Variants in UGT1A7 observed in about 807,000 individuals in gnomAD.
UGT1A7 encodes the protein UDP-glucuronosyltransferase 1A7.
In UGT1A7, 33 loss-of-function variants were observed where a neutral mutation model predicts 45.6. The ratio of observed to expected loss-of-function variants is 0.72; its 90% CI spans 0.55 to 0.97. The LOEUF is 0.97. Among genes scored for constraint, UGT1A7 ranks in the 50% least tolerant of loss-of-function variants. The pLI, the probability that UGT1A7 is intolerant of heterozygous loss-of-function variation, is 0.00. For synonymous variants in UGT1A7, 274 were observed against 250.6 expected, an observed-to-expected ratio of 1.09 and a Z score of -0.88; for missense variants, 684 against 666.2, an observed-to-expected ratio of 1.03 and a Z score of -0.29.
At chr2:233,743,598 G>C in intron 1 of UGT1A7, 1 of 1,367,308 alleles carries the variant, frequency 7.3e-7, no homozygotes, top group Non-Finnish European at 9.8e-7. Flanking sequence ...AATGGGTCCT[G>C]GCCGCCGAAG....
rs1184503727 is a variant in UGT1A7 at position 233,769,814 on chromosome 2, C to T, written c.1295+1375C>T. 17 of 933,346 alleles carry T rather than the reference C, an allele frequency of 1.8e-5. No homozygotes were observed. Among genetic ancestry groups the T allele is most frequent in the African/African-American group, 1.7e-5 (1 of 59,148 alleles). The allele number at this position is 933,346 out of a possible 1,614,324, so 57.8% of individuals were successfully genotyped here. Reference sequence around the variant, plus strand: ...AGGCTGCTATGAGCCGTGATCATGCCACTGCACTCCAGCAACCTGGGCAAC... The same window carrying T: ...AGGCTGCTATGAGCCGTGATCATGCTACTGCACTCCAGCAACCTGGGCAAC... On this transcript the variant is annotated intron_variant, in intron 4 of 4. Coordinates refer to ENST00000373426, the MANE Select transcript of UGT1A7 (RefSeq NM_019077.3). The surrounding 1 kb of genome is among the most constrained non-coding windows in gnomAD (Gnocchi z 4.4).
chr2:233,729,180 T>C (rs373402763), intron 1 of UGT1A7: 150 of 1,613,780 alleles, frequency 9.3e-5, no homozygotes, highest in Middle Eastern at 1.7e-4. Flanking sequence ...GACTGCTGCT[T>C]CTCCTCAGTG....
intron 1 of UGT1A7, among the ~76,000 whole-genome samples, chr2:233,750,255 C>A (rs915928909): frequency 1.3e-5 from 2 of 151,886 alleles, no homozygotes; most frequent in Admixed American, 1.3e-4. Context: ...CAAAGGTCAC[C>A]CTTGCTATGC....
chr2:233,712,741 A>G (rs2076251056), intron 1 of UGT1A7, among the ~76,000 whole-genome samples: 1 of 149,412 alleles, frequency 6.7e-6, no homozygotes. Context: ...TTGAACTTGG[A>G]TGTTCCCCAG....
intron 1 of UGT1A7, among the ~76,000 whole-genome samples, chr2:233,683,711 T>G (rs1400745268): frequency 6.6e-6 from 1 of 152,184 alleles, no homozygotes; most frequent in African/African-American, 2.4e-5. Flanking sequence ...TTTGAAACCA[T>G]TATGTGCAAG....
At chr2:233,747,277 G>A (rs1044373750) in intron 1 of UGT1A7, 304 of 1,599,338 alleles carry the variant, frequency 1.9e-4, no homozygotes, top group Non-Finnish European at 2.4e-4. Context: ...CCTTCTCAGT[G>A]CCCAGCCCTG....
chr2:233,765,344 A>G (rs1008293425), intron 1 of UGT1A7, among the ~76,000 whole-genome samples: 8 of 152,240 alleles, frequency 5.3e-5, no homozygotes, highest in Non-Finnish European at 1.0e-4. Flanking sequence ...TAACAAAGTC[A>G]TGGAACCAAC....
chr2:233,761,152 G>A lies in UGT1A7; in HGVS notation c.856-5882G>A, dbSNP rs587776764. On this transcript the variant is annotated intron_variant, in intron 1 of 4. Transcript: ENST00000373426. Reference sequence around the variant, plus strand: ...CCTTCACCAAAATCCACTATCCCAGGTGTGTATTGGAGTGGGACTTTTACA... The same window carrying A: ...CCTTCACCAAAATCCACTATCCCAGATGTGTATTGGAGTGGGACTTTTACA... The A allele has an allele frequency of 1.2e-6, 2 of 1,614,084 alleles. No individual in the cohort carries two copies. Among genetic ancestry groups the A allele is most frequent in the South Asian group, 2.2e-5 (2 of 91,086 alleles).
chr2:233,692,382 A>T (rs1465003326), intron 1 of UGT1A7: 1 of 155,436 alleles, frequency 6.4e-6, no homozygotes, highest in Non-Finnish European at 1.4e-5. Flanking sequence ...GATTGACTCC[A>T]AGAAAGAGGG....
intron 1 of UGT1A7, chr2:233,743,965 G>A (rs1040596623): frequency 9.0e-6 from 12 of 1,330,234 alleles, no homozygotes; most frequent in Non-Finnish European, 1.0e-5. Context: ...CGAGCGGCAA[G>A]GCTGCCAGCA....
At chr2:233,732,951 G>A (rs1167941280) in intron 1 of UGT1A7, among the ~76,000 whole-genome samples, 3 of 152,104 alleles carry the variant, frequency 2.0e-5, no homozygotes, top group Admixed American at 6.5e-5. Context: ...AGCATGGAAT[G>A]TTCTTCCATT....
chr2:233,737,293 C>T (rs2078860261), intron 1 of UGT1A7, among the ~76,000 whole-genome samples: 1 of 152,250 alleles, frequency 6.6e-6, no homozygotes, highest in Non-Finnish European at 1.5e-5. Context: ...CAGGCTGCCG[C>T]CTCACAGTTC....
chr2:233,728,535 G>C (rs1446157301), intron 1 of UGT1A7, among the ~76,000 whole-genome samples: 3 of 152,190 alleles, frequency 2.0e-5, no homozygotes, highest in Admixed American at 6.5e-5. Context: ...CCACTTCAGA[G>C]AGAGTCCTCT....
At chr2:233,697,870 T>C (rs568003090) in intron 1 of UGT1A7, among the ~76,000 whole-genome samples, 274 of 152,348 alleles carry the variant, frequency 1.8e-3, no homozygotes, top group African/African-American at 6.4e-3. Context: ...ATTTATTTAA[T>C]GATTTCTTAC....
At position 233,751,264 on chromosome 2, in the gene UGT1A7, CT is replaced by C. The variant is rs1248433988; in HGVS notation, c.856-15763del. Among the ~76,000 whole-genome samples the C allele has an allele frequency of 2.6e-5, 4 of 151,986 alleles. No homozygotes were observed. The East Asian group carries it at 7.7e-4, about 29-fold the overall frequency. On this transcript the variant is annotated intron_variant, in intron 1 of 4. Coordinates refer to ENST00000373426, the MANE Select transcript of UGT1A7 (RefSeq NM_019077.3). ...GGACTTGCATGGGGCCTGTAGCCCC[CT>C]TTTTTTGGCCAGTTTCTCCCATTTG...
At chr2:233,724,652 A>G (rs1267696968) in intron 1 of UGT1A7, among the ~76,000 whole-genome samples, 1 of 140,816 alleles carries the variant, frequency 7.1e-6, no homozygotes, top group Non-Finnish European at 1.5e-5. Flanking sequence ...GCGGCTGGGA[A>G]GAGGCGCTCC....
chr2:233,766,884 A>C, intron 1 of UGT1A7, 150 bp from the exon 2 acceptor site: 4 of 1,457,402 alleles, frequency 2.7e-6, no homozygotes, highest in Non-Finnish European at 3.6e-6. Context: ...ATGCTGTAAA[A>C]CTTACATATT....
intron 1 of UGT1A7, among the ~76,000 whole-genome samples, chr2:233,709,459 C>T (rs2076078032): frequency 6.6e-6 from 1 of 152,164 alleles, no homozygotes; most frequent in African/African-American, 2.4e-5. Flanking sequence ...TTAAAGCAAT[C>T]ATTTTGGGGC....
At position 233,769,586 on chromosome 2, in the gene UGT1A7, A is replaced by G; in HGVS notation, c.1295+1147A>G. ...AAGAGCTGGAGCATGTTCAGATGAG[A>G]GGAGACGGAACACGGGGACACACCA... On this transcript the variant is annotated intron_variant, in intron 4 of 4. Transcript: ENST00000373426. This position sits in a 1 kb window ranked among gnomAD's most constrained non-coding sequence, Gnocchi z 4.4. 2.5e-6 allele frequency: 4 copies of G among 1,612,900 alleles called. No individual in the cohort carries two copies. The highest frequency in any genetic ancestry group is 3.4e-6 in the Non-Finnish European group (4 of 1,179,882).
Sources: gnomAD v4.1 joint callset for allele counts (sites outside exome capture counted in the v4.1 genomes callset) on GRCh38, gnomAD v4.1.1 for gene constraint, Gnocchi (gnomAD v3.1) non-coding constraint, MANE v1.5 for transcripts, NCBI Gene and HGNC (gene_info 2026-07-23, HGNC 2026-07-21) for gene names.